TNNI3K: variants seen among roughly 807,000 people sequenced by gnomAD.
TNNI3K encodes serine/threonine-protein kinase TNNI3K.
A neutral mutation model predicts 114.5 loss-of-function variants in TNNI3K; 140 were observed. The observed-to-expected ratio is 1.22, with a 90% CI of 1.07 to 1.41. The LOEUF is 1.41. TNNI3K is among the 40% of genes most tolerant of loss of function. The pLI, the probability that TNNI3K is intolerant of heterozygous loss-of-function variation, is 0.00. For missense variants in TNNI3K, 1,125 were observed against 1,007.6 expected (o/e 1.12, Z -1.58); for synonymous variants, 347 against 347.5 (o/e 1.00, Z 0.02).
chr1:74,521,476 C>A (rs1195075253), intron 23 of TNNI3K, among the ~76,000 whole-genome samples: 1 of 114,052 alleles, frequency 8.8e-6, no homozygotes, highest in Non-Finnish European at 2.1e-5. Flanking sequence ...ATCTCTCTCA[C>A]ACACACACAC....
intron 20 of TNNI3K, among the ~76,000 whole-genome samples, chr1:74,455,762 C>T (rs1219585443): frequency 2.0e-5 from 3 of 152,154 alleles, no homozygotes; most frequent in Non-Finnish European, 4.4e-5. Context: ...GCTAATTCAC[C>T]CTTCCTCTGC....
intron 23 of TNNI3K, among the ~76,000 whole-genome samples, chr1:74,530,743 G>A (rs1381371592): frequency 6.7e-6 from 1 of 149,112 alleles, no homozygotes; most frequent in African/African-American, 2.5e-5. Flanking sequence ...TTTTTTTCCT[G>A]GATGATAGTA....
chr1:74,390,343 T>C (rs907475740), intron 17 of TNNI3K, among the ~76,000 whole-genome samples: 1 of 152,156 alleles, frequency 6.6e-6, no homozygotes, highest in Non-Finnish European at 1.5e-5. Context: ...TTTCCTGGAC[T>C]TTATTTTGAG....
At chr1:74,314,590 G>T (rs1366663409) in intron 5 of TNNI3K, among the ~76,000 whole-genome samples, 1 of 152,110 alleles carries the variant, frequency 6.6e-6, no homozygotes, top group East Asian at 1.9e-4. Context: ...ATTAAGTCAT[G>T]CAGGAAGTCA....
intron 4 of TNNI3K, among the ~76,000 whole-genome samples, chr1:74,251,382 C>T (rs554023669): frequency 1.2e-4 from 14 of 113,790 alleles, no homozygotes; most frequent in African/African-American, 4.2e-4. Flanking sequence ...TTATATTATG[C>T]ATTGATCATT....
intron 5 of TNNI3K, among the ~76,000 whole-genome samples, chr1:74,276,773 C>G (rs1656712020): frequency 6.6e-6 from 1 of 152,024 alleles, no homozygotes; most frequent in Admixed American, 6.6e-5. Context: ...GTTTGTCCTC[C>G]CATAATTGTG....
At chr1:74,416,914 T>A (rs1665144947) in intron 17 of TNNI3K, among the ~76,000 whole-genome samples, 1 of 152,068 alleles carries the variant, frequency 6.6e-6, no homozygotes, top group African/African-American at 2.4e-5. Context: ...TATCTGATTA[T>A]TTCCTCCCAT....
intron 5 of TNNI3K, among the ~76,000 whole-genome samples, chr1:74,327,832 T>C (rs901546162): frequency 2.7e-5 from 4 of 150,664 alleles, no homozygotes; most frequent in African/African-American, 9.7e-5. Flanking sequence ...ATCCTTAAAG[T>C]ATATTAAGAT....
chr1:74,395,035 C>A (rs2100577451), intron 17 of TNNI3K, among the ~76,000 whole-genome samples: 1 of 148,450 alleles, frequency 6.7e-6, no homozygotes, highest in East Asian at 2.0e-4. Flanking sequence ...CAGAGCAAGA[C>A]TCCATCTCAA....
chr1:74,531,839 A>G (rs769498213), intron 23 of TNNI3K, among the ~76,000 whole-genome samples: 8 of 152,220 alleles, frequency 5.3e-5, no homozygotes, highest in Non-Finnish European at 1.2e-4. Flanking sequence ...TTGTGCTAAT[A>G]TTATCACATA....
rs36109808 is a variant in TNNI3K, at chr1:74,484,212, T to TAA, written c.2122-4965_2122-4964dup. Among the ~76,000 whole-genome samples, 1,423 of 144,644 alleles carry TAA rather than the reference T, an allele frequency of 9.8e-3. 12 individuals carry two copies. The highest frequency in any genetic ancestry group is 0.016 in the Non-Finnish European group (1,055 of 66,096). The allele number at this position is 144,644 out of a possible 152,430, so 94.9% of individuals were successfully genotyped here. On this transcript the variant is annotated intron_variant, in intron 21 of 24. Coordinates refer to ENST00000326637, the MANE Select transcript of TNNI3K (RefSeq NM_015978.3). Reference sequence around the variant, plus strand: ...ATTTATAATATCTTCCCTGGTTGATTAAAAAAAAAAAAACAAGGAGCAAAT... The same window carrying TAA: ...ATTTATAATATCTTCCCTGGTTGATTAAAAAAAAAAAAAAACAAGGAGCAAAT...
At chr1:74,260,753 A>G (rs963971256) in intron 4 of TNNI3K, among the ~76,000 whole-genome samples, 4 of 152,124 alleles carry the variant, frequency 2.6e-5, no homozygotes, top group African/African-American at 9.6e-5. Context: ...AGATGAGAAA[A>G]GGTAATCCTA....
intron 11 of TNNI3K, chr1:74,366,842 G>A (rs558956971): frequency 3.2e-5 from 5 of 154,594 alleles, no homozygotes; most frequent in African/African-American, 9.6e-5. Context: ...CTCAATCACA[G>A]CAAATACATC....
intron 16 of TNNI3K, 59 bp from the exon 17 acceptor site, chr1:74,370,229 G>T: frequency 2.1e-6 from 3 of 1,440,206 alleles, no homozygotes; most frequent in African/African-American, 1.4e-5. Flanking sequence ...CACATCATTT[G>T]CTTTTTTGAT....
chr1:74,454,987 T>TATC, intron 20 of TNNI3K, among the ~76,000 whole-genome samples: 1 of 152,288 alleles, frequency 6.6e-6, no homozygotes, highest in South Asian at 2.1e-4. Context: ...TTATTATTAT[T>TATC]ATCTTTAGGC....
intron 21 of TNNI3K, chr1:74,470,917 G>A (rs540215166): frequency 2.0e-5 from 8 of 400,686 alleles, no homozygotes; most frequent in South Asian, 1.3e-4. Flanking sequence ...AGTGGACTCC[G>A]TTGTCCCTTG....
At position 74,239,074 on chromosome 1, in the gene TNNI3K, G is replaced by T. The variant is rs1313525058; in HGVS notation, c.149+2864G>T. Among the ~76,000 whole-genome samples, 3 of 152,034 alleles carry T rather than the reference G, an allele frequency of 2.0e-5. No homozygotes were observed. In the East Asian group the frequency reaches 5.8e-4, roughly 29 times the overall value. ...ATTGCACTGAGAACTCTTTGCCTGA[G>T]GTGATATTAGTGAAGGGATGAGGAA... On this transcript the variant is annotated intron_variant, in intron 2 of 24. Transcript: ENST00000326637.
At chr1:74,369,165 T>A in intron 14 of TNNI3K, 42 bp from the exon 15 acceptor site, 2 of 1,601,446 alleles carry the variant, frequency 1.2e-6, no homozygotes, top group Non-Finnish European at 1.7e-6. Flanking sequence ...TGAATGAGCT[T>A]AAGTTAATAT....
At chr1:74,404,995 A>T (rs555670545) in intron 17 of TNNI3K, among the ~76,000 whole-genome samples, 5 of 152,182 alleles carry the variant, frequency 3.3e-5, no homozygotes, top group African/African-American at 4.8e-5. Context: ...ATTTTTAAGA[A>T]GTTTACAGTT....
Sources: gnomAD v4.1 joint callset for allele counts (sites outside exome capture counted in the v4.1 genomes callset) on GRCh38, gnomAD v4.1.1 for gene constraint, MANE v1.5 for transcripts, NCBI Gene and HGNC (gene_info 2026-07-23, HGNC 2026-07-21) for gene names.